The following SCGB2B2 variants were observed in gnomAD, a reference collection of about 807,000 sequenced individuals.
SCGB2B2 encodes secretoglobin-like protein.
In SCGB2B2, 11 loss-of-function variants were observed where a neutral mutation model predicts 7.6. The observed-to-expected ratio is 1.45, with a 90% CI of 0.91 to 2.40. The LOEUF (loss-of-function observed/expected upper bound fraction) is 2.40. SCGB2B2 is among the 30% of genes most tolerant of loss of function. The pLI, the probability that SCGB2B2 is intolerant of heterozygous loss-of-function variation, is 0.00. For missense variants in SCGB2B2, 104 were observed against 115.4 expected, an observed-to-expected ratio of 0.90 and a Z score of 0.45; for synonymous variants, 50 against 48.6, an observed-to-expected ratio of 1.03 and a Z score of -0.12.
At position 34,598,330 on chromosome 19, in the gene SCGB2B2, G is replaced by A. The variant is rs147434900; in HGVS notation, c.-2031-1736C>T. 1.2e-3 allele frequency among the ~76,000 whole-genome samples: 180 copies of A among 152,298 alleles called. 1 individual carries two copies. Among genetic ancestry groups the A allele is most frequent in the African/African-American group, 3.9e-3 (162 of 41,570 alleles). ...GGTCTAGGGAATTATGGAGCAAACC[G>A]ACCTGAGCCGTGTCCCTCAGCCAAG... On this transcript the variant is annotated intron_variant, in intron 1 of 3. Transcript: ENST00000601241.
intron 1 of SCGB2B2, among the ~76,000 whole-genome samples, chr19:34,627,251 C>A (rs765706539): frequency 8.5e-5 from 13 of 152,188 alleles, no homozygotes; most frequent in Non-Finnish European, 1.6e-4. Flanking sequence ...CAAATTCACA[C>A]ATAACAATAT....
rs186982973 is a variant in SCGB2B2 at position 34,635,183 on chromosome 19, G to T, written c.-2031-38589C>A. On this transcript the variant is annotated intron_variant, in intron 1 of 3. Coordinates refer to ENST00000601241, the MANE Select transcript of SCGB2B2 (RefSeq NM_001025591.4). ...TTCCCACATTCACTGCATTCATAAG[G>T]CCTGGCTCCACTGGGAACTCTCGGG... 7.7e-4 allele frequency: 227 copies of T among 296,552 alleles called. 1 individual carries two copies. Among genetic ancestry groups the T allele is most frequent in the Admixed American group, 1.1e-3 (30 of 26,402 alleles). The allele number at this position is 296,552 out of a possible 1,614,324, so 18.4% of individuals were successfully genotyped here.
chr19:34,597,916 G>T (rs1405421240), intron 1 of SCGB2B2, among the ~76,000 whole-genome samples: 3 of 152,166 alleles, frequency 2.0e-5, no homozygotes, highest in African/African-American at 7.2e-5. Flanking sequence ...GTGGGTCAGG[G>T]CGTTTTCAAG....
intron 1 of SCGB2B2, among the ~76,000 whole-genome samples, chr19:34,665,787 G>C (rs1176234246): frequency 6.6e-6 from 1 of 152,060 alleles, no homozygotes; most frequent in Admixed American, 6.5e-5. Flanking sequence ...CAGAGCCACA[G>C]GCCCAGCCCT....
intron 1 of SCGB2B2, among the ~76,000 whole-genome samples, chr19:34,655,699 CT>C (rs1339686131): frequency 6.6e-6 from 1 of 151,320 alleles, no homozygotes; most frequent in Non-Finnish European, 1.5e-5. Context: ...TCTCAGATAC[CT>C]TCTGGTTCAC....
rs1568436092 is a variant in SCGB2B2, at chr19:34,631,350, GTTAGTCTTAGTATATT to G, written c.-2031-34772_-2031-34757del. Among the ~76,000 whole-genome samples, 9 of 140,426 alleles carry G rather than the reference GTTAGTCTTAGTATATT, an allele frequency of 6.4e-5. No individual in the cohort carries two copies. The South Asian group carries it at 2.0e-3, about 32-fold the overall frequency. The allele number at this position is 140,426 out of a possible 152,430, so 92.1% of individuals were successfully genotyped here. ...TTTTTTTTTAGCTCATCATTCTATC[GTTAGTCTTAGTATATT>G]TTATCTGTGGCCCAAGACTATTCTT... On this transcript the variant is annotated intron_variant, in intron 1 of 3. Coordinates refer to ENST00000601241, the MANE Select transcript of SCGB2B2 (RefSeq NM_001025591.4).
At chr19:34,658,511 T>C (rs1344758181) in intron 1 of SCGB2B2, among the ~76,000 whole-genome samples, 1 of 152,022 alleles carries the variant, frequency 6.6e-6, no homozygotes, top group Admixed American at 6.5e-5. Flanking sequence ...AAGAAATGGA[T>C]AAATTCCTGG....
At chr19:34,627,194 C>T (rs1263154775) in intron 1 of SCGB2B2, among the ~76,000 whole-genome samples, 1 of 152,182 alleles carries the variant, frequency 6.6e-6, no homozygotes, top group Non-Finnish European at 1.5e-5. Context: ...GAAGAAACTG[C>T]ATCAACTAAT....
intron 1 of SCGB2B2, among the ~76,000 whole-genome samples, chr19:34,656,674 C>G (rs141879246): frequency 6.6e-6 from 1 of 150,982 alleles, no homozygotes; most frequent in East Asian, 1.9e-4. Flanking sequence ...AGACCACCTA[C>G]GAAAAAAATC....
chr19:34,590,526 T>C (rs766410588), downstream of SCGB2B2, among the ~76,000 whole-genome samples: 21 of 152,210 alleles, frequency 1.4e-4, no homozygotes, highest in Non-Finnish European at 2.8e-4. Context: ...CAGCACTTCC[T>C]ACATTTGGGC....
intron 1 of SCGB2B2, among the ~76,000 whole-genome samples, chr19:34,628,112 A>G (rs2066427990): frequency 6.6e-6 from 1 of 152,214 alleles, no homozygotes; most frequent in Non-Finnish European, 1.5e-5. Context: ...TCTGGGACAC[A>G]TTCAATGCAG....
chr19:34,603,108 T>A (rs1435468746), intron 1 of SCGB2B2, among the ~76,000 whole-genome samples: 2 of 152,216 alleles, frequency 1.3e-5, no homozygotes, highest in Non-Finnish European at 2.9e-5. Flanking sequence ...AGTTGCAGAT[T>A]CTTCTGGGTA....
rs551442223 is a variant in SCGB2B2 at position 34,602,059 on chromosome 19, A to T, written c.-2031-5465T>A. Among the ~76,000 whole-genome samples, 255 of 152,308 alleles carry T rather than the reference A, an allele frequency of 1.7e-3. 1 individual carries two copies. Among genetic ancestry groups the T allele is most frequent in the African/African-American group, 5.7e-3 (235 of 41,560 alleles). On this transcript the variant is annotated intron_variant, in intron 1 of 3. Transcript: ENST00000601241. ...TTTTGATATTTCACCATTACATAGG[A>T]AGTTTACTGTAGGATACTTTTGGTA...
chr19:34,660,248 C>A (rs2067414442), intron 1 of SCGB2B2, among the ~76,000 whole-genome samples: 2 of 152,100 alleles, frequency 1.3e-5, no homozygotes, highest in South Asian at 2.1e-4. Context: ...ACTGAAACAC[C>A]AAAAGCAATG....
chr19:34,622,351 C>G (rs1172542361), intron 1 of SCGB2B2, among the ~76,000 whole-genome samples: 2 of 152,140 alleles, frequency 1.3e-5, no homozygotes, highest in Non-Finnish European at 2.9e-5. Context: ...CCCCAGGTTC[C>G]CAAGTCAGGG....
intron 1 of SCGB2B2, among the ~76,000 whole-genome samples, chr19:34,602,438 A>G (rs1182514091): frequency 6.6e-6 from 1 of 152,196 alleles, no homozygotes; most frequent in Admixed American, 6.6e-5. Flanking sequence ...CAGGGGATGC[A>G]GTGGCGGTTT....
At chr19:34,672,445 T>A (rs1046384098) in intron 1 of SCGB2B2, among the ~76,000 whole-genome samples, 2 of 152,252 alleles carry the variant, frequency 1.3e-5, no homozygotes, top group Admixed American at 1.3e-4. Flanking sequence ...TCTTTCTTGA[T>A]ACAGGCATTT....
chr19:34,671,601 C>CCT (rs777564103), intron 1 of SCGB2B2, among the ~76,000 whole-genome samples: 31 of 152,026 alleles, frequency 2.0e-4, no homozygotes, highest in Admixed American at 8.5e-4. Flanking sequence ...ATTGAGTGTT[C>CCT]TAATCCATAA....
chr19:34,666,096 T>C (rs1464758359), intron 1 of SCGB2B2, among the ~76,000 whole-genome samples: 1 of 152,016 alleles, frequency 6.6e-6, no homozygotes, highest in Non-Finnish European at 1.5e-5. Flanking sequence ...AGCCAGTGCT[T>C]TTCCACTGTA....
Sources: gnomAD v4.1 joint callset for allele counts (sites outside exome capture counted in the v4.1 genomes callset) on GRCh38, gnomAD v4.1.1 for gene constraint, MANE v1.5 for transcripts, NCBI Gene and HGNC (gene_info 2026-07-23, HGNC 2026-07-21) for gene names.